The following SFMBT2 variants were observed in gnomAD, a reference collection of about 807,000 sequenced individuals.
SFMBT2 encodes the protein scm-like with four MBT domains protein 2.
A neutral mutation model predicts 110.1 loss-of-function variants in SFMBT2; 38 were observed. The ratio of observed to expected loss-of-function variants is 0.35; its 90% CI spans 0.27 to 0.45. SFMBT2 has a LOEUF of 0.45. Ranked by LOEUF, SFMBT2 falls within the 20% of genes least tolerant of loss-of-function variation. The pLI is 1.00. For synonymous variants in SFMBT2, 425 were observed against 425.4 expected (o/e 1.00, Z 0.01); for missense variants, 1,011 against 1,094.9 (o/e 0.92, Z 1.08).
chr10:7,176,059 A>C lies in SFMBT2; in HGVS notation c.1915T>G (p.Leu639Val), dbSNP rs1349195214. 2 of 1,614,200 alleles carry C rather than the reference A, an allele frequency of 1.2e-6. No homozygotes were observed. Residue 639 changes from leucine (L) to valine (V), a missense_variant, in exon 17 of 21, where the codon TTG (leucine) becomes GTG (valine). Transcript: ENST00000397167. ...TCAGATATCAGCACAGGACTAAACA[A>C]ATTTGGACAGCACTCTAGCTTGGCA... ...VCAKLECCPNLFSPVLISENC... is the reference protein window; with the variant it reads ...VCAKLECCPNVFSPVLISENC...
chr10:7,406,018 T>A (rs1191057158), intron 1 of SFMBT2, among the ~76,000 whole-genome samples: 3 of 151,630 alleles, frequency 2.0e-5, no homozygotes, highest in Admixed American at 2.0e-4. Context: ...ATAAGAATGG[T>A]TAGAAAAACC....
chr10:7,263,665 G>A (rs1302578497), intron 7 of SFMBT2, among the ~76,000 whole-genome samples: 1 of 152,178 alleles, frequency 6.6e-6, no homozygotes, highest in Non-Finnish European at 1.5e-5. Flanking sequence ...TCTATATATG[G>A]GCTTAAGGCA....
At chr10:7,316,121 A>C (rs537613785) in intron 4 of SFMBT2, among the ~76,000 whole-genome samples, 124 of 152,042 alleles carry the variant, frequency 8.2e-4, no homozygotes, top group African/African-American at 2.7e-3. Context: ...AAAACGCATG[A>C]CCTCCCTCAA....
At position 7,159,554 on chromosome 10, in the gene SFMBT2, G is replaced by C. The variant is rs1837495270; in HGVS notation, c.*4216C>G. On this transcript the variant is annotated 3_prime_UTR_variant, in exon 21 of 21. Coordinates refer to ENST00000397167, the MANE Select transcript of SFMBT2 (RefSeq NM_001387889.1). ...TGCTATTTAATTATTGCACCAACGA[G>C]ATATGGGCAGTATGGATATCTTGCC... is the stretch of plus-strand genomic sequence containing the variant. 1.3e-5 allele frequency: 2 copies of C among 152,154 alleles called. No individual in the cohort carries two copies. Among genetic ancestry groups the C allele is most frequent in the Admixed American group, 6.5e-5 (1 of 15,286 alleles). The allele number at this position is 152,154 out of a possible 1,614,324, so 9.4% of individuals were successfully genotyped here.
intron 4 of SFMBT2, among the ~76,000 whole-genome samples, chr10:7,360,255 C>G (rs1400890609): frequency 3.3e-5 from 5 of 152,130 alleles, no homozygotes; most frequent in Non-Finnish European, 4.4e-5. Flanking sequence ...ATCATTTGAG[C>G]TCAGGAATTC....
rs575307168 is a variant in SFMBT2 at position 7,300,088 on chromosome 10, T to G, written c.437-14134A>C. On this transcript the variant is annotated intron_variant, in intron 4 of 20. Transcript: ENST00000397167. ...GAAACAGAAAACCAAACATCACATG[T>G]TCTCACTCGTAAGTGGGAGTTGAAG... 3.3e-5 allele frequency among the ~76,000 whole-genome samples: 5 copies of G among 152,160 alleles called. No homozygotes were observed. In the East Asian group the frequency reaches 9.7e-4, roughly 30 times the overall value.
chr10:7,188,534 G>T (rs1416728814), intron 16 of SFMBT2, 90 bp downstream of exon 16: 1 of 982,120 alleles, frequency 1.0e-6, no homozygotes, highest in Non-Finnish European at 1.6e-6. Flanking sequence ...CCATTTCTCA[G>T]GGCTGTGTCA....
chr10:7,306,905 T>C (rs929850041), intron 4 of SFMBT2, among the ~76,000 whole-genome samples: 3 of 152,174 alleles, frequency 2.0e-5, no homozygotes, highest in Admixed American at 2.0e-4. Flanking sequence ...GTCATTTACA[T>C]TGCATATGGG....
chr10:7,319,232 G>A (rs1214518007), intron 4 of SFMBT2, among the ~76,000 whole-genome samples: 1 of 152,198 alleles, frequency 6.6e-6, no homozygotes, highest in East Asian at 1.9e-4. Flanking sequence ...CAGTACTCCT[G>A]GGGTAAAAAT....
chr10:7,201,209 A>T (rs949988306), intron 13 of SFMBT2, among the ~76,000 whole-genome samples: 1 of 152,226 alleles, frequency 6.6e-6, no homozygotes, highest in Admixed American at 6.5e-5. Flanking sequence ...GTGGTTCTCC[A>T]AGAGGGGTCC....
chr10:7,349,363 A>C (rs1179004241), intron 4 of SFMBT2, among the ~76,000 whole-genome samples: 1 of 151,428 alleles, frequency 6.6e-6, no homozygotes, highest in Non-Finnish European at 1.5e-5. Flanking sequence ...TAAGGTGGAC[A>C]GAACACCCTG....
chr10:7,270,647 G>A (rs140110848), intron 7 of SFMBT2, among the ~76,000 whole-genome samples: 3 of 152,272 alleles, frequency 2.0e-5, no homozygotes, highest in Middle Eastern at 3.4e-3. Context: ...GTAATATTCA[G>A]TATCTGCTCT....
chr10:7,300,894 A>G (rs1842538381), intron 4 of SFMBT2, among the ~76,000 whole-genome samples: 1 of 152,246 alleles, frequency 6.6e-6, no homozygotes, highest in Non-Finnish European at 1.5e-5. Flanking sequence ...TTAGCATTAT[A>G]CAGTTAGAAA....
chr10:7,275,054 TACACAGGCTGGAACGCCACAAAGAGAG>T (rs1049780962), intron 7 of SFMBT2, among the ~76,000 whole-genome samples: 7 of 152,100 alleles, frequency 4.6e-5, no homozygotes, highest in Non-Finnish European at 7.4e-5. Context: ...TAGGGAAGCA[TACACAGGCTGGAACGCCACAAAGAGAG>T]GCACAGGCAG....
chr10:7,377,014 C>CA lies in SFMBT2; in HGVS notation c.100+4784dup, dbSNP rs528903178. On this transcript the variant is annotated intron_variant, in intron 2 of 20. Coordinates refer to ENST00000397167, the MANE Select transcript of SFMBT2 (RefSeq NM_001387889.1). Reference sequence around the variant, plus strand: ...TGAAACCCCATCTCTACTAAAAATACAAAAATTAGCTGGGCATGGTGGCGG... The same window carrying CA: ...TGAAACCCCATCTCTACTAAAAATACAAAAAATTAGCTGGGCATGGTGGCGG... Among the ~76,000 whole-genome samples, 552 of 150,840 alleles carry CA rather than the reference C, an allele frequency of 3.7e-3. 5 individuals are homozygous for CA. Among genetic ancestry groups the CA allele is most frequent in the African/African-American group, 0.012 (494 of 41,154 alleles).
chr10:7,315,685 C>T (rs1842990617), intron 4 of SFMBT2, among the ~76,000 whole-genome samples: 1 of 152,216 alleles, frequency 6.6e-6, no homozygotes, highest in African/African-American at 2.4e-5. Flanking sequence ...TCCTGGAGAA[C>T]CCTGACTAGT....
chr10:7,216,510 A>G (rs1465155579), intron 11 of SFMBT2, among the ~76,000 whole-genome samples: 1 of 151,966 alleles, frequency 6.6e-6, no homozygotes, highest in African/African-American at 2.4e-5. Flanking sequence ...CATTAAACCT[A>G]TTTTTCTCAT....
chr10:7,346,336 C>T (rs550752978), intron 4 of SFMBT2, among the ~76,000 whole-genome samples: 1 of 152,302 alleles, frequency 6.6e-6, no homozygotes, highest in Admixed American at 6.5e-5. Context: ...TGATTGCTTG[C>T]ATTCATCTTA....
intron 4 of SFMBT2, among the ~76,000 whole-genome samples, chr10:7,317,159 T>C (rs1843039325): frequency 6.6e-6 from 1 of 151,980 alleles, no homozygotes; most frequent in South Asian, 2.1e-4. Flanking sequence ...ATGTCCTGAG[T>C]GTGTGAGCCT....
Sources: allele counts gnomAD v4.1 joint callset (sites outside exome capture counted in the v4.1 genomes callset), GRCh38; gene constraint gnomAD v4.1.1; transcripts MANE v1.5; gene names NCBI Gene and HGNC (gene_info 2026-07-23, HGNC 2026-07-21).